Variants in GRM7 observed in about 807,000 individuals in gnomAD.
The protein encoded by GRM7 is metabotropic glutamate receptor 7.
A neutral mutation model predicts 84.5 loss-of-function variants in GRM7; 35 were observed. The observed-to-expected ratio is 0.41, with a 90% CI of 0.32 to 0.55. The LOEUF (loss-of-function observed/expected upper bound fraction) is 0.55, where lower values mean the gene tolerates loss of function less well. Ranked by LOEUF, GRM7 falls within the 20% of genes least tolerant of loss-of-function variation. The pLI is 0.19. For missense variants in GRM7, 1,003 were observed against 1,194.6 expected, an observed-to-expected ratio of 0.84 and a Z score of 2.36; for synonymous variants, 487 against 455.1, an observed-to-expected ratio of 1.07 and a Z score of -0.89.
chr3:7,191,402 T>G (rs992774419), intron 2 of GRM7, among the ~76,000 whole-genome samples: 1 of 152,046 alleles, frequency 6.6e-6, no homozygotes, highest in African/African-American at 2.4e-5. Flanking sequence ...TTAGTAGAAA[T>G]CCCACCCCTG....
At chr3:7,012,151 G>T (rs549736076) in intron 1 of GRM7, among the ~76,000 whole-genome samples, 1 of 152,110 alleles carries the variant, frequency 6.6e-6, no homozygotes, top group South Asian at 2.1e-4. Context: ...AGATCAAATG[G>T]ATTGAGTGCC....
At chr3:7,535,706 T>C (rs1454248895) in intron 7 of GRM7, among the ~76,000 whole-genome samples, 4 of 152,212 alleles carry the variant, frequency 2.6e-5, no homozygotes, top group Non-Finnish European at 4.4e-5. Flanking sequence ...ACAATTAATA[T>C]TGCTCTAACC....
At chr3:7,373,749 G>A (rs2125120679) in intron 4 of GRM7, among the ~76,000 whole-genome samples, 1 of 150,978 alleles carries the variant, frequency 6.6e-6, no homozygotes, top group African/African-American at 2.5e-5. Context: ...AATGTGGCCA[G>A]CATCTCTGGG....
chr3:7,662,147 C>T (rs1409748754), intron 8 of GRM7, among the ~76,000 whole-genome samples: 1 of 151,732 alleles, frequency 6.6e-6, no homozygotes, highest in Admixed American at 6.6e-5. Context: ...AGATGCGAGA[C>T]AAAAAATAGT....
At chr3:7,045,996 T>G (rs1319520343) in intron 1 of GRM7, among the ~76,000 whole-genome samples, 1 of 152,138 alleles carries the variant, frequency 6.6e-6, no homozygotes, top group Admixed American at 6.6e-5. Context: ...CATTTTTATC[T>G]ACAGTGTACA....
At chr3:7,356,633 T>C (rs1575212674) in intron 4 of GRM7, among the ~76,000 whole-genome samples, 1 of 152,184 alleles carries the variant, frequency 6.6e-6, no homozygotes, top group African/African-American at 2.4e-5. Context: ...ATCAAGTAGA[T>C]AGGCTGACCC....
intron 7 of GRM7, among the ~76,000 whole-genome samples, chr3:7,521,613 A>G (rs1404078369): frequency 1.3e-5 from 2 of 152,128 alleles, no homozygotes; most frequent in African/African-American, 4.8e-5. Context: ...AGTTAATGGT[A>G]TTGTGTGATG....
intron 1 of GRM7, among the ~76,000 whole-genome samples, chr3:7,071,711 C>T (rs1335088333): frequency 6.6e-6 from 1 of 152,020 alleles, no homozygotes; most frequent in Non-Finnish European, 1.5e-5. Context: ...GATTTGGAGT[C>T]ACTTCAAATT....
At chr3:7,163,354 G>A (rs987453971) in intron 2 of GRM7, among the ~76,000 whole-genome samples, 1 of 152,174 alleles carries the variant, frequency 6.6e-6, no homozygotes, top group Non-Finnish European at 1.5e-5. Context: ...CCAATTCAAT[G>A]GAAAAGGGAA....
chr3:7,620,759 A>C (rs748887792), intron 8 of GRM7, among the ~76,000 whole-genome samples: 13 of 152,104 alleles, frequency 8.5e-5, no homozygotes, highest in Non-Finnish European at 8.8e-5. Context: ...CAAATTATAA[A>C]CTACCATTAG....
chr3:7,737,259 A>T (rs1702535122), intron 9 of GRM7, among the ~76,000 whole-genome samples: 1 of 152,130 alleles, frequency 6.6e-6, no homozygotes, highest in Non-Finnish European at 1.5e-5. Context: ...CATTTCATAA[A>T]CCAGTATTCT....
intron 1 of GRM7, among the ~76,000 whole-genome samples, chr3:7,062,423 G>A (rs2124971263): frequency 6.6e-6 from 1 of 151,666 alleles, no homozygotes; most frequent in Middle Eastern, 3.4e-3. Flanking sequence ...TTCATTCCAG[G>A]AATTAAGAAT....
chr3:7,730,398 A>C (rs1702283104), intron 9 of GRM7, among the ~76,000 whole-genome samples: 1 of 152,212 alleles, frequency 6.6e-6, no homozygotes, highest in Admixed American at 6.5e-5. Flanking sequence ...CTGCACAGTA[A>C]CATGGCTACA....
chr3:7,382,475 G>C (rs1460394589), intron 4 of GRM7, among the ~76,000 whole-genome samples: 1 of 152,118 alleles, frequency 6.6e-6, no homozygotes, highest in Non-Finnish European at 1.5e-5. Context: ...CAAACCATCA[G>C]AGTTTTATTA....
chr3:7,361,275 T>A (rs1372522831), intron 4 of GRM7, among the ~76,000 whole-genome samples: 1 of 152,126 alleles, frequency 6.6e-6, no homozygotes, highest in African/African-American at 2.4e-5. Context: ...CAGAATTTTA[T>A]CTGTAGTCAC....
chr3:7,520,979 C>A (rs1270049377), intron 7 of GRM7, among the ~76,000 whole-genome samples: 1 of 152,282 alleles, frequency 6.6e-6, no homozygotes, highest in Non-Finnish European at 1.5e-5. Flanking sequence ...GCCTACTATA[C>A]CTTCCCCAAC....
At chr3:7,550,784 A>C (rs1254509145) in intron 7 of GRM7, among the ~76,000 whole-genome samples, 1 of 151,954 alleles carries the variant, frequency 6.6e-6, no homozygotes, top group African/African-American at 2.4e-5. Flanking sequence ...GGTGTGTGGC[A>C]AGACTACCAG....
chr3:7,623,904 A>G (rs17723168), intron 8 of GRM7, among the ~76,000 whole-genome samples: 20,382 of 152,178 alleles, frequency 0.13, 1,561 homozygotes, highest in Non-Finnish European at 0.17. Context: ...GGCAATGTAC[A>G]AAATTTCCTA....
chr3:7,551,160 C>A (rs922201224), intron 7 of GRM7, among the ~76,000 whole-genome samples: 1 of 152,148 alleles, frequency 6.6e-6, no homozygotes, highest in Non-Finnish European at 1.5e-5. Flanking sequence ...ATATAGCACA[C>A]ACTGTGGAAA....
Sources: gnomAD v4.1 joint callset for allele counts (sites outside exome capture counted in the v4.1 genomes callset) on GRCh38, gnomAD v4.1.1 for gene constraint, MANE v1.5 for transcripts, NCBI Gene and HGNC (gene_info 2026-07-23, HGNC 2026-07-21) for gene names.